CFAP54: variants seen among roughly 807,000 people sequenced by gnomAD.
CFAP54 encodes the protein cilia- and flagella-associated protein 54.
Under a neutral mutation model 370.4 loss-of-function variants are expected in CFAP54, and 290 were observed. The ratio of observed to expected loss-of-function variants is 0.78; its 90% CI spans 0.71 to 0.86. The LOEUF (loss-of-function observed/expected upper bound fraction) is 0.86. Among genes scored for constraint, CFAP54 ranks in the 40% least tolerant of loss-of-function variants. CFAP54 has a pLI of 0.00. For synonymous variants in CFAP54, 1,206 were observed against 1,236.5 expected (o/e 0.98, Z 0.52); for missense variants, 3,399 against 3,528.7 (o/e 0.96, Z 0.93).
At chr12:96,569,209 T>C (rs61940436) in intron 19 of CFAP54, among the ~76,000 whole-genome samples, 1,592 of 152,346 alleles carry the variant, frequency 0.01, 18 homozygotes, top group Middle Eastern at 0.034. Context: ...AGGATGCTGT[T>C]GTTTTCTGTA....
At chr12:96,729,226 T>G (rs1396509133) in intron 50 of CFAP54, among the ~76,000 whole-genome samples, 1 of 152,160 alleles carries the variant, frequency 6.6e-6, no homozygotes, top group Non-Finnish European at 1.5e-5. Context: ...GACAGGGACA[T>G]TTAAGTCTGC....
intron 26 of CFAP54, among the ~76,000 whole-genome samples, chr12:96,611,490 C>T (rs978503587): frequency 2.2e-4 from 34 of 152,222 alleles, no homozygotes; most frequent in Admixed American, 6.5e-5. Flanking sequence ...CTCTCTCCCT[C>T]CAAAGGAATG....
chr12:96,708,581 C>T (rs1826253259), intron 47 of CFAP54, 27 bp from the exon 48 acceptor site: 2 of 1,551,306 alleles, frequency 1.3e-6, no homozygotes, highest in African/African-American at 1.4e-5. Context: ...TTCTAATTTG[C>T]TCTTTTTCCT....
At chr12:96,586,273 A>G (rs934232656) in intron 22 of CFAP54, among the ~76,000 whole-genome samples, 1 of 152,218 alleles carries the variant, frequency 6.6e-6, no homozygotes, top group Non-Finnish European at 1.5e-5. Flanking sequence ...GCTGAGGCCC[A>G]GGGACCATAC....
intron 17 of CFAP54, among the ~76,000 whole-genome samples, chr12:96,558,671 A>T (rs1011396960): frequency 3.9e-4 from 59 of 152,182 alleles, no homozygotes; most frequent in Non-Finnish European, 2.5e-4. Context: ...CTGGATATTC[A>T]TATGCAAAAG....
intron 63 of CFAP54, among the ~76,000 whole-genome samples, chr12:96,806,212 ATAAT>A (rs1958879695): frequency 1.1e-5 from 1 of 89,010 alleles, no homozygotes; most frequent in African/African-American, 4.5e-5. Flanking sequence ...ATATATATAT[ATAAT>A]AACAACATAA....
Position 96,584,638 on chromosome 12 carries a change from GT to G in CFAP54, c.3075+3545del, listed in dbSNP as rs34715946. On this transcript the variant is annotated intron_variant, in intron 22 of 67. Coordinates refer to ENST00000524981, the MANE Select transcript of CFAP54 (RefSeq NM_001306084.2). ...GTCATCACTTCATCCTTTGAAATATGTTTTTTTTTTTTATCAATCTCATTAC... is the reference window on the plus strand; with the variant it reads ...GTCATCACTTCATCCTTTGAAATATGTTTTTTTTTTTATCAATCTCATTAC... Among the ~76,000 whole-genome samples the G allele has an allele frequency of 8.7e-3, 1,287 of 148,232 alleles. 11 individuals carry two copies. Among genetic ancestry groups the G allele is most frequent in the African/African-American group, 0.026 (1,044 of 40,386 alleles).
chr12:96,685,865 T>C (rs2111946), intron 42 of CFAP54, among the ~76,000 whole-genome samples: 59,074 of 152,022 alleles, frequency 0.39, 11,810 homozygotes, highest in Middle Eastern at 0.45. Context: ...CAATGACTTG[T>C]TGCGTGGTCA....
chr12:96,732,860 G>T (rs930753995), intron 50 of CFAP54, among the ~76,000 whole-genome samples: 17 of 149,096 alleles, frequency 1.1e-4, no homozygotes, highest in African/African-American at 3.9e-4. Flanking sequence ...CTATAGAACT[G>T]TTTTTTTTTT....
rs554993051 is a variant in CFAP54 at position 96,796,231 on chromosome 12, C to T, written c.8850+3732C>T. Among the ~76,000 whole-genome samples, 325 of 152,336 alleles carry T rather than the reference C, an allele frequency of 2.1e-3. 1 individual carries two copies. Among genetic ancestry groups the T allele is most frequent in the African/African-American group, 7.0e-3 (291 of 41,576 alleles). ...TGTTCCTGTGTTAGTTCTTGTGAGT[C>T]TCCACAGGCTGCTCTGTCCATTCGA... On this transcript the variant is annotated intron_variant, in intron 63 of 67. Coordinates refer to ENST00000524981, the MANE Select transcript of CFAP54 (RefSeq NM_001306084.2).
Position 96,489,804 on chromosome 12 carries a change from G to A in CFAP54, c.195G>A (p.Leu65=). ...SLPLAVFYGP[L]DAKNPLLASC... is the part of the protein sequence containing the mutation. ...CCCTAGCCGTGTTTTATGGGCCGCT[G>A]GACGCGAAAAACCCGCTCCTGGCCT... The change falls in exon 1 of 68, where the codon CTG becomes CTA. Residue 65 remains leucine, a synonymous_variant. Coordinates refer to ENST00000524981, the MANE Select transcript of CFAP54 (RefSeq NM_001306084.2). The A allele has an allele frequency of 6.5e-7, 1 of 1,536,120 alleles. No individual in the cohort carries two copies. The highest frequency in any genetic ancestry group is 8.7e-7 in the Non-Finnish European group (1 of 1,146,916).
At position 96,715,237 on chromosome 12, in the gene CFAP54, C is replaced by A. The variant is rs979329794; in HGVS notation, c.6725-3206C>A. On this transcript the variant is annotated intron_variant, in intron 48 of 67. Coordinates refer to ENST00000524981, the MANE Select transcript of CFAP54 (RefSeq NM_001306084.2). ...CAGGACTTCTGGGCAGCTTGCAGAG[C>A]CTTTTTGTATTTCTGGTATGAATTT... Among the ~76,000 whole-genome samples, 6 of 150,414 alleles carry A rather than the reference C, an allele frequency of 4.0e-5. No homozygotes were observed. In the Admixed American group the frequency reaches 4.0e-4, roughly 10 times the overall value.
In CFAP54 at chr12:96,679,042, G is replaced by A. The variant is rs1026741235; in HGVS notation, c.5564-558G>A. Among the ~76,000 whole-genome samples the A allele has an allele frequency of 3.9e-5, 6 of 152,116 alleles. No homozygotes were observed. The East Asian group carries it at 1.2e-3, about 29-fold the overall frequency. On this transcript the variant is annotated intron_variant, in intron 39 of 67. Coordinates refer to ENST00000524981, the MANE Select transcript of CFAP54 (RefSeq NM_001306084.2). ...CCCTCACTCACTCTTCAGAGACCTC[G>A]AAGCAACTCTCTCCCACTATCTCCC...
intron 60 of CFAP54, among the ~76,000 whole-genome samples, chr12:96,768,515 T>A (rs931930004): frequency 4.0e-5 from 6 of 151,144 alleles, no homozygotes; most frequent in African/African-American, 1.5e-4. Context: ...TAGCCGGGTA[T>A]GGTGGTGGGC....
chr12:96,516,064 C>T (rs887097840), intron 5 of CFAP54, among the ~76,000 whole-genome samples: 16 of 151,884 alleles, frequency 1.1e-4, no homozygotes, highest in African/African-American at 3.4e-4. Context: ...TACAGGCACC[C>T]GCCCCAATGC....
intron 12 of CFAP54, 98 bp downstream of exon 12, chr12:96,535,698 C>T: frequency 8.5e-6 from 6 of 703,344 alleles, no homozygotes; most frequent in Middle Eastern, 2.5e-4. Flanking sequence ...TTACGCCTTG[C>T]TAAAATTTTA....
chr12:96,756,656 G>A (rs1958261782), intron 57 of CFAP54, 93 bp downstream of exon 57: 1 of 795,256 alleles, frequency 1.3e-6, no homozygotes, highest in Non-Finnish European at 2.1e-6. Context: ...GATTGCTTGG[G>A]ATGCCTTCTG....
chr12:96,553,529 T>G, intron 15 of CFAP54, among the ~76,000 whole-genome samples: 1 of 133,612 alleles, frequency 7.5e-6, no homozygotes, highest in Non-Finnish European at 1.6e-5. Context: ...TATATATAGT[T>G]ATATATATAT....
chr12:96,767,158 A>G (rs1284490494), intron 60 of CFAP54, among the ~76,000 whole-genome samples: 5 of 152,238 alleles, frequency 3.3e-5, no homozygotes, highest in Non-Finnish European at 7.3e-5. Context: ...CACTGCTTGT[A>G]CAGGAAGGGA....
Sources: allele counts gnomAD v4.1 joint callset (sites outside exome capture counted in the v4.1 genomes callset), GRCh38; gene constraint gnomAD v4.1.1; transcripts MANE v1.5; gene names NCBI Gene and HGNC (gene_info 2026-07-23, HGNC 2026-07-21).